Variants in HSD17B1 observed in about 807,000 individuals in gnomAD.
The protein encoded by HSD17B1 is hydroxysteroid 17-beta dehydrogenase 1, also known as 17-beta-hydroxysteroid dehydrogenase type 1.
Under a neutral mutation model 22.7 loss-of-function variants are expected in HSD17B1, and 16 were observed. The ratio of observed to expected loss-of-function variants is 0.71; its 90% CI spans 0.48 to 1.07. HSD17B1 has a LOEUF of 1.07. HSD17B1 is among the 50% of genes least tolerant of loss of function. The pLI is 0.00. For missense variants in HSD17B1, 533 were observed against 459.9 expected (o/e 1.16, Z -1.45); for synonymous variants, 243 against 211.0 (o/e 1.15, Z -1.31).
At position 42,554,751 on chromosome 17, in the gene HSD17B1, G is replaced by A; in HGVS notation, c.800G>A (p.Arg267His). Residue 267 changes from arginine (R) to histidine (H), a missense_variant, in exon 6 of 6, where the codon CGC becomes CAC. Transcript: ENST00000585807. ...TERFLPLLRM[R>H]LDDPSGSNYV... ...CGCTTCCTGCCCCTGCTGCGGATGC[G>A]CCTGGACGACCCCAGCGGCTCCAAC... is the stretch of plus-strand genomic sequence containing the variant. 3 of 1,603,860 alleles carry A rather than the reference G, an allele frequency of 1.9e-6. No individual in the cohort carries two copies. The highest frequency in any genetic ancestry group is 1.7e-6 in the Non-Finnish European group (2 of 1,179,746).
At chr17:42,553,053 A>AG (rs1567897571) in intron 1 of HSD17B1, 23 bp downstream of exon 1, 2 of 1,614,056 alleles carry the variant, frequency 1.2e-6, no homozygotes, top group East Asian at 4.5e-5. Flanking sequence ...AGGGACAGGG[A>AG]GGGAGAGAAG....
At chr17:42,554,232 G>A (rs1377511289) in intron 4 of HSD17B1, 173 bp from the exon 5 acceptor site, 14 of 923,514 alleles carry the variant, frequency 1.5e-5, no homozygotes, top group Non-Finnish European at 1.9e-5. Flanking sequence ...GCAGGAACCC[G>A]CGTTTCAAAT....
rs767875618 is a variant in HSD17B1 at position 42,553,535 on chromosome 17, G to A, written c.362G>A (p.Arg121Gln). Residue 121 changes from arginine to glutamine, a missense_variant, in exon 3 of 6, where the codon CGG becomes CAG. Transcript: ENST00000585807. Reference protein sequence around the residue: ...VLDVNVVGTVRMLQAFLPDMK... With the variant: ...VLDVNVVGTVQMLQAFLPDMK... ...GACGTGAATGTAGTAGGGACTGTGCGGATGCTGCAGGCCTTCCTGCCAGAC... is the reference window on the plus strand; with the variant it reads ...GACGTGAATGTAGTAGGGACTGTGCAGATGCTGCAGGCCTTCCTGCCAGAC... 2 of 1,613,968 alleles carry A rather than the reference G, an allele frequency of 1.2e-6. No individual in the cohort carries two copies. Among genetic ancestry groups the A allele is most frequent in the East Asian group, 2.2e-5 (1 of 44,888 alleles).
At chr17:42,553,726 G>A in intron 3 of HSD17B1, 68 bp from the exon 4 acceptor site, 1 of 1,595,744 alleles carries the variant, frequency 6.3e-7, no homozygotes, top group Non-Finnish European at 8.6e-7. Flanking sequence ...TCAGCTTGGA[G>A]GGGCACCGTC....
rs749638959 is a variant in HSD17B1 at position 42,553,325 on chromosome 17, G to A, written c.265+34G>A. ...CCTGGAAGCATATGGGCTCCTAGGA[G>A]CCTTCTCCGCCCTGCGTTGAAACCA... On this transcript the variant is annotated intron_variant, in intron 2 of 5. Transcript: ENST00000585807. 3.7e-6 allele frequency: 6 copies of A among 1,603,500 alleles called. No individual in the cohort carries two copies. The South Asian group carries it at 6.6e-5, about 18-fold the overall frequency.
chr17:42,553,602 CGT>C lies in HSD17B1; in HGVS notation c.431_432del (p.Val144GlyfsTer10). 6.2e-7 allele frequency: 1 copy of C among 1,607,944 alleles called. No individual in the cohort carries two copies. Among genetic ancestry groups the C allele is most frequent in the Non-Finnish European group, 8.5e-7 (1 of 1,177,378 alleles). The stretch of plus-strand genomic sequence containing the variant: ...CGGGACGCGTGTTGGTGACCGGGAG[CGT>C]GGGAGGATTGATGGGTGAGTGGTAG... ...GSGRVLVTGS[V>X]GGLMGLPFND... On this transcript the variant is annotated frameshift_variant, in exon 3 of 6. Coordinates refer to ENST00000585807, the MANE Select transcript of HSD17B1 (RefSeq NM_000413.4). LOFTEE classifies it high-confidence loss of function.
rs537577470 is a variant in HSD17B1 at position 42,555,150 on chromosome 17, G to A, written c.*212G>A. ...GAGGATCGCTCAAGCCCCGGAGTTG[G>A]AGACCAGCCAGAGCAACACAGTGAG... On this transcript the variant is annotated 3_prime_UTR_variant, in exon 6 of 6. Transcript: ENST00000585807. 1 of 1,016,196 alleles carries A rather than the reference G, an allele frequency of 9.8e-7. No individual in the cohort carries two copies. Among genetic ancestry groups the A allele is most frequent in the East Asian group, 3.0e-5 (1 of 33,222 alleles). The allele number at this position is 1,016,196 out of a possible 1,614,324, so 62.9% of individuals were successfully genotyped here. A position where few individuals can be genotyped will look rare whatever the true frequency, so the allele number is the denominator to read the frequency against.
Position 42,553,637 on chromosome 17 carries a change from C to T in HSD17B1, c.445+19C>T. 1 of 1,599,946 alleles carries T rather than the reference C, an allele frequency of 6.3e-7. No individual in the cohort carries two copies. The highest frequency in any genetic ancestry group is 8.5e-7 in the Non-Finnish European group (1 of 1,173,184). ...TTGATGGGTGAGTGGTAGGGAGTGG[C>T]CTCGGCAGCTCCAGATTCTTTGTGT... On this transcript the variant is annotated intron_variant, in intron 3 of 5. Transcript: ENST00000585807.
chr17:42,554,911 C>T lies in HSD17B1; in HGVS notation c.960C>T (p.Leu320=), dbSNP rs149530547. The change falls in exon 6 of 6, where the codon CTC becomes CTT. Residue 320 remains leucine, a synonymous_variant. Transcript: ENST00000585807. Reference sequence around the variant, plus strand: ...GCGGTGCGGTGGGGGACCCTGAGCTCGGCGATCCTCCGGCCGCCCCGCAGT... The same window carrying T: ...GCGGTGCGGTGGGGGACCCTGAGCTTGGCGATCCTCCGGCCGCCCCGCAGT... The part of the protein sequence containing the change: ...AGRGAVGDPE[L]GDPPAAPQ The T allele has an allele frequency of 2.2e-3, 3,269 of 1,486,864 alleles. 64 individuals are homozygous for T. The African/African-American group carries it at 0.042, about 19-fold the overall frequency. 92.1% of individuals were successfully genotyped at this position (1,486,864 alleles called of 1,614,324 possible). A position where few individuals can be genotyped will look rare whatever the true frequency, so the allele number is the denominator to read the frequency against.
chr17:42,554,034 C>T lies in HSD17B1; in HGVS notation c.539+147C>T, dbSNP rs1238783791. 4.1e-6 allele frequency: 3 copies of T among 732,044 alleles called. No individual in the cohort carries two copies. The African/African-American group carries it at 5.2e-5, about 13-fold the overall frequency. The allele number at this position is 732,044 out of a possible 1,614,324, so 45.3% of individuals were successfully genotyped here. A position where few individuals can be genotyped will look rare whatever the true frequency, so the allele number is the denominator to read the frequency against. On this transcript the variant is annotated intron_variant, in intron 4 of 5. Transcript: ENST00000585807. ...CTGTGTGCCAGGCACTTGGGCTGGG[C>T]GCATGGCACGCATTGTGCCACCTGC... is the stretch of plus-strand genomic sequence containing the variant.
chr17:42,553,378 G>A lies in HSD17B1; in HGVS notation c.266-61G>A, dbSNP rs531916207. The A allele has an allele frequency of 5.0e-6, 8 of 1,604,994 alleles. No homozygotes were observed. The East Asian group carries it at 1.6e-4, about 31-fold the overall frequency. On this transcript the variant is annotated intron_variant, in intron 2 of 5. Coordinates refer to ENST00000585807, the MANE Select transcript of HSD17B1 (RefSeq NM_000413.4). ...ATGTTCCCAGGCCCAGGGAGCACGAGGGGACAGGCCGTGCTGAGGGTGATG... is the reference window on the plus strand; with the variant it reads ...ATGTTCCCAGGCCCAGGGAGCACGAAGGGACAGGCCGTGCTGAGGGTGATG...
intron 1 of HSD17B1, 42 bp downstream of exon 1, chr17:42,553,072 C>T: frequency 2.5e-6 from 4 of 1,614,016 alleles, no homozygotes; most frequent in Non-Finnish European, 1.7e-6. Context: ...AGGGAGGAGC[C>T]CTTGGAGGCC....
At chr17:42,553,052 G>A in intron 1 of HSD17B1, 22 bp downstream of exon 1, 2 of 1,614,132 alleles carry the variant, frequency 1.2e-6, no homozygotes, top group East Asian at 2.2e-5. Context: ...CAGGGACAGG[G>A]AGGGAGAGAA....
chr17:42,554,356 G>C (rs748713927), intron 4 of HSD17B1, 49 bp from the exon 5 acceptor site: 52 of 1,531,942 alleles, frequency 3.4e-5, no homozygotes, highest in Non-Finnish European at 3.5e-5. Flanking sequence ...CTGGGACTGG[G>C]GCCTGGCTGG....
In HSD17B1 at chr17:42,552,996, A is replaced by T. The variant is rs754523342; in HGVS notation, c.63A>T (p.Val21=). The change falls in exon 1 of 6, where the codon GTA becomes GTT. Residue 21 remains valine, a synonymous_variant. Coordinates refer to ENST00000585807, the MANE Select transcript of HSD17B1 (RefSeq NM_000413.4). ...CGGGCATCGGCCTGCACTTGGCCGT[A>T]CGTCTGGCTTCAGATCCATCCCAGA... is the stretch of plus-strand genomic sequence containing the variant. ...CSSGIGLHLA[V]RLASDPSQSF... The T allele has an allele frequency of 4.0e-5, 65 of 1,614,010 alleles. No homozygotes were observed. In the Admixed American group the frequency reaches 1.0e-3, roughly 26 times the overall value.
At chr17:42,553,332 C>T (rs573696257) in intron 2 of HSD17B1, 41 bp downstream of exon 2, 49 of 1,602,158 alleles carry the variant, frequency 3.1e-5, no homozygotes, top group Non-Finnish European at 4.2e-5. Context: ...GGAGCCTTCT[C>T]CGCCCTGCGT....
chr17:42,553,339 G>C, intron 2 of HSD17B1, 48 bp downstream of exon 2: 1 of 1,603,076 alleles, frequency 6.2e-7, no homozygotes, highest in Non-Finnish European at 8.5e-7. Flanking sequence ...TCTCCGCCCT[G>C]CGTTGAAACC....
rs756215428 is a variant in HSD17B1, at chr17:42,553,496, T to C, written c.323T>C (p.Val108Ala). The C allele has an allele frequency of 6.2e-7, 1 of 1,613,922 alleles. No individual in the cohort carries two copies. The highest frequency in any genetic ancestry group is 1.1e-5 in the South Asian group (1 of 91,086). ...GPLEALGEDA[V>A]ASVLDVNVVG... ...CTGGAGGCGCTGGGGGAGGACGCCG[T>C]GGCCTCTGTGCTGGACGTGAATGTA... is the stretch of plus-strand genomic sequence containing the variant. The change falls in exon 3 of 6, where the codon GTG becomes GCG. Residue 108 changes from valine (V) to alanine (A), a missense_variant. Val to Ala is a moderately conservative substitution (Grantham distance 64, BLOSUM62 0). Transcript: ENST00000585807.
rs773613890 is a variant in HSD17B1 at position 42,553,878 on chromosome 17, T to G, written c.530T>G (p.Phe177Cys). 5.0e-6 allele frequency: 8 copies of G among 1,612,136 alleles called. No homozygotes were observed. In the East Asian group the frequency reaches 8.9e-5, roughly 18 times the overall value. Residue 177 changes from phenylalanine to cysteine, a missense_variant, in exon 4 of 6, where the codon TTT becomes TGT. By Grantham distance (205) the Phe-to-Cys change is radical (BLOSUM62 -2). Transcript: ENST00000585807. ...CESLAVLLLP[F>C]GVHLSLIECG... ...AGTCTGGCGGTTCTGCTGCTGCCCT[T>G]TGGGGTCCAGTGAGTCAACACCCCC...
Sources: allele counts gnomAD v4.1 joint callset, GRCh38; gene constraint gnomAD v4.1.1; transcripts MANE v1.5; gene names NCBI Gene and HGNC (gene_info 2026-07-23, HGNC 2026-07-21).